The following ZNF594 variants were observed in gnomAD, a reference collection of about 807,000 sequenced individuals.
The protein encoded by ZNF594 is zinc finger protein HZF18.
For synonymous variants in ZNF594, 336 were observed against 309.4 expected (o/e 1.09, Z -0.90); for missense variants, 1,037 against 964.6 (o/e 1.08, Z -0.99).
intron 1 of ZNF594, among the ~76,000 whole-genome samples, chr17:5,189,308 T>C (rs1598138406): frequency 6.7e-6 from 1 of 148,808 alleles, no homozygotes; most frequent in Non-Finnish European, 1.5e-5. Flanking sequence ...AGTGCAGTGG[T>C]GTAATCATGG....
At position 5,179,739 on chromosome 17, in the gene ZNF594, A is replaced by T. The variant is rs921416801; in HGVS notation, c.*2094T>A. 6.6e-6 allele frequency: 1 copy of T among 152,270 alleles called. No individual in the cohort carries two copies. Among genetic ancestry groups the T allele is most frequent in the African/African-American group, 2.4e-5 (1 of 41,568 alleles). The allele number at this position is 152,270 out of a possible 1,614,324, so 9.4% of individuals were successfully genotyped here. On this transcript the variant is annotated 3_prime_UTR_variant, in exon 2 of 2. Coordinates refer to ENST00000575779, the MANE Select transcript of ZNF594 (RefSeq NM_032530.2). ...AGACGATATGTTTGCCCACAAAAGG[A>T]ATAAAAAGACTAATGAAAATGGTAA...
Position 5,183,741 on chromosome 17 carries a change from TATA to T in ZNF594, c.513_515del (p.Ile172del), listed in dbSNP as rs3867177. The T allele has an allele frequency of 0.012, 19,712 of 1,613,156 alleles. 1,954 individuals carry two copies. The African/African-American group carries it at 0.22, about 18-fold the overall frequency. ...TCTTTCCTGTATGAATTCTCTGATG[TATA>T]ATAAGATTTGAACTTTGATTAGAGT... On this transcript the variant is annotated inframe_deletion, in exon 2 of 2. Transcript: ENST00000575779.
chr17:5,190,968 G>T (rs148007641), intron 1 of ZNF594, among the ~76,000 whole-genome samples: 95 of 152,246 alleles, frequency 6.2e-4, no homozygotes, highest in African/African-American at 2.2e-3. Flanking sequence ...CGTGCAATTG[G>T]AACTGTTTAT....
Position 5,182,832 on chromosome 17 carries a change from A to C in ZNF594, c.1425T>G (p.Leu475=). The change falls in exon 2 of 2, where the codon CTT becomes CTG. Residue 475 remains leucine (L), a synonymous_variant. Transcript: ENST00000575779. ...CAGTATGGATTTTCTGGTGTGTAACAAGGTGTGACCTCTGGCTAAAGGCTT... is the reference window on the plus strand; with the variant it reads ...CAGTATGGATTTTCTGGTGTGTAACCAGGTGTGACCTCTGGCTAAAGGCTT... ...CGKAFSQRSH[L]VTHQKIHTGE... is the part of the protein sequence containing the mutation. The C allele has an allele frequency of 6.2e-7, 1 of 1,614,056 alleles. No homozygotes were observed. The highest frequency in any genetic ancestry group is 8.5e-7 in the Non-Finnish European group (1 of 1,180,012).
chr17:5,185,730 A>G (rs2074382019), intron 1 of ZNF594, among the ~76,000 whole-genome samples: 1 of 152,216 alleles, frequency 6.6e-6, no homozygotes, highest in African/African-American at 2.4e-5. Context: ...TAATGGGGGT[A>G]CAGGTATTGC....
rs1359871337 is a variant in ZNF594, at chr17:5,179,736, A to C, written c.*2097T>G. ...CATAGACGATATGTTTGCCCACAAA[A>C]GGAATAAAAAGACTAATGAAAATGG... On this transcript the variant is annotated 3_prime_UTR_variant, in exon 2 of 2. Transcript: ENST00000575779. 6.6e-6 allele frequency: 1 copy of C among 152,140 alleles called. No individual in the cohort carries two copies. The highest frequency in any genetic ancestry group is 2.4e-5 in the African/African-American group (1 of 41,446). 9.4% of individuals were successfully genotyped at this position (152,140 alleles called of 1,614,324 possible).
rs377683876 is a variant in ZNF594, at chr17:5,182,442, G to T, written c.1815C>A (p.Phe605Leu). 3.1e-6 allele frequency: 5 copies of T among 1,611,940 alleles called. No homozygotes were observed. Among genetic ancestry groups the T allele is most frequent in the South Asian group, 1.1e-5 (1 of 91,032 alleles). The change falls in exon 2 of 2, where the codon TTC becomes TTA. Residue 605 changes from phenylalanine to leucine, a missense_variant. Coordinates refer to ENST00000575779, the MANE Select transcript of ZNF594 (RefSeq NM_032530.2). ...GTCTCAGAAGGTCTGAGCTCTGATT[G>T]AAAGTTTTCCCACATTCTTTGCATT... ...PYECKECGKTFNQSSDLLRHH... is the reference protein window; with the variant it reads ...PYECKECGKTLNQSSDLLRHH...
rs765134325 is a variant in ZNF594, at chr17:5,183,665, G to A, written c.592C>T (p.Leu198=). ...CTGTGAATTTGCTTATGTCTCACCA[G>A]ATTGGAGCTCTGATTGAAGTCTTTT... ...CGKDFNQSSN[L]VRHKQIHSGG... The change falls in exon 2 of 2, where the codon CTG becomes TTG. Residue 198 remains leucine, a synonymous_variant. Transcript: ENST00000575779. The A allele has an allele frequency of 1.9e-6, 3 of 1,614,218 alleles. No individual in the cohort carries two copies. The highest frequency in any genetic ancestry group is 2.5e-6 in the Non-Finnish European group (3 of 1,180,040).
chr17:5,186,775 A>G (rs1348306057), intron 1 of ZNF594, among the ~76,000 whole-genome samples: 1 of 152,224 alleles, frequency 6.6e-6, no homozygotes, highest in East Asian at 1.9e-4. Context: ...TCAAGTTCAA[A>G]GTTCCACAAA....
Position 5,184,196 on chromosome 17 carries a change from A to C in ZNF594, c.61T>G (p.Ser21Ala). 1 of 1,614,120 alleles carries C rather than the reference A, an allele frequency of 6.2e-7. No homozygotes were observed. ...SEEKKSARAA[S>A]EKLQRQITQE... ...GTGATTTGTCTTTGGAGTTTTTCGG[A>C]TGCAGCCCTTGCTGACTTCTTTTCT... The change falls in exon 2 of 2, where the codon TCC (serine) becomes GCC (alanine). Residue 21 changes from serine (S) to alanine (A), a missense_variant. Coordinates refer to ENST00000575779, the MANE Select transcript of ZNF594 (RefSeq NM_032530.2).
intron 1 of ZNF594, among the ~76,000 whole-genome samples, chr17:5,184,571 G>A (rs145827441): frequency 6.6e-6 from 1 of 152,204 alleles, no homozygotes; most frequent in African/African-American, 2.4e-5. Context: ...TCCACAGGAA[G>A]TGGCCTGTTG....
rs780739123 is a variant in ZNF594 at position 5,181,111 on chromosome 17, T to C, written c.*722A>G. ...CTTTGATGACTGACAAGGTGTGAGT[T>C]CTGACTGAAGGCCTTCCAACATTCA... On this transcript the variant is annotated 3_prime_UTR_variant, in exon 2 of 2. Transcript: ENST00000575779. The C allele has an allele frequency of 1.1e-5, 17 of 1,539,136 alleles. No homozygotes were observed. The highest frequency in any genetic ancestry group is 1.3e-5 in the Non-Finnish European group (15 of 1,117,572).
intron 1 of ZNF594, among the ~76,000 whole-genome samples, chr17:5,190,661 C>T (rs938566971): frequency 1.3e-5 from 2 of 152,070 alleles, no homozygotes; most frequent in East Asian, 3.9e-4. Context: ...GGTGGCAATC[C>T]GGGAAGGCTT....
chr17:5,178,275 CAAA>C (rs1347224787), downstream of ZNF594, among the ~76,000 whole-genome samples: 1 of 151,652 alleles, frequency 6.6e-6, no homozygotes, highest in Non-Finnish European at 1.5e-5. Flanking sequence ...GGTTAACATC[CAAA>C]AATAGTTCAC....
At position 5,180,181 on chromosome 17, in the gene ZNF594, C is replaced by G; in HGVS notation, c.*1652G>C. 6.6e-6 allele frequency: 1 copy of G among 151,968 alleles called. No individual in the cohort carries two copies. The highest frequency in any genetic ancestry group is 1.9e-4 in the East Asian group (1 of 5,162). 9.4% of individuals were successfully genotyped at this position (151,968 alleles called of 1,614,324 possible). ...GTTCAAGTGATTCTCCTGCCCTAGC[C>G]TCGCAAGTACCTGGGACTACAGGCG... is the stretch of plus-strand genomic sequence containing the variant. On this transcript the variant is annotated 3_prime_UTR_variant, in exon 2 of 2. Coordinates refer to ENST00000575779, the MANE Select transcript of ZNF594 (RefSeq NM_032530.2).
At position 5,183,288 on chromosome 17, in the gene ZNF594, ATAGG is replaced by A. The variant is rs1255273077; in HGVS notation, c.965_968del (p.Pro322LeufsTer74). Reference sequence around the variant, plus strand: ...AGGTCTTCCCACATCTGTGACATTCATAGGGTTTCTCTCCACTGTGGAGTCTCTG... The same window carrying A: ...AGGTCTTCCCACATCTGTGACATTCAGTTTCTCTCCACTGTGGAGTCTCTG... On this transcript the variant is annotated frameshift_variant, in exon 2 of 2. Coordinates refer to ENST00000575779, the MANE Select transcript of ZNF594 (RefSeq NM_032530.2). LOFTEE classifies it low-confidence loss of function (END_TRUNC). 6.2e-7 allele frequency: 1 copy of A among 1,614,048 alleles called. No homozygotes were observed. The highest frequency in any genetic ancestry group is 1.3e-5 in the African/African-American group (1 of 74,932).
Position 5,182,589 on chromosome 17 carries a change from C to T in ZNF594, c.1668G>A (p.Arg556=), listed in dbSNP as rs116584790. ...EKTFSQDEEL[R]GEQKIHQEAK... is the part of the protein sequence containing the mutation. The stretch of plus-strand genomic sequence containing the variant: ...CTTCCTGGTGAATTTTCTGCTCTCC[C>T]CTAAGCTCCTCATCCTGGCTGAAGG... The change falls in exon 2 of 2, where the codon AGG becomes AGA. Residue 556 remains arginine (R), a synonymous_variant. Transcript: ENST00000575779. 3.1e-4 allele frequency: 505 copies of T among 1,613,358 alleles called. 3 individuals are homozygous for T. In the African/African-American group the frequency reaches 6.4e-3, roughly 20 times the overall value.
At position 5,183,820 on chromosome 17, in the gene ZNF594, T is replaced by G. The variant is rs2074367525; in HGVS notation, c.437A>C (p.Gln146Pro). The change falls in exon 2 of 2, where the codon CAG (glutamine) becomes CCG (proline). Residue 146 changes from glutamine to proline, a missense_variant. Transcript: ENST00000575779. ...TGGCTTATTTCCTGTATGAATTCTC[T>G]GATGTATGATCAGGTTTGAACTCCT... ...FNRSSNLIIHQRIHTGNKPYV... is the reference protein window; with the variant it reads ...FNRSSNLIIHPRIHTGNKPYV... The G allele has an allele frequency of 6.2e-7, 1 of 1,614,188 alleles. No homozygotes were observed. The highest frequency in any genetic ancestry group is 2.2e-5 in the East Asian group (1 of 44,880).
chr17:5,183,439 CCA>C lies in ZNF594; in HGVS notation c.816_817del (p.Cys272TrpfsTer26), dbSNP rs773671296. ...GTGTGAACTTTGACTGAACATCTGT[CCA>C]CAGTCATAACATTCATAGGGTTTCT... On this transcript the variant is annotated frameshift_variant, in exon 2 of 2. Coordinates refer to ENST00000575779, the MANE Select transcript of ZNF594 (RefSeq NM_032530.2). LOFTEE classifies it low-confidence loss of function (END_TRUNC). 3 of 1,613,778 alleles carry C rather than the reference CCA, an allele frequency of 1.9e-6. No individual in the cohort carries two copies. The highest frequency in any genetic ancestry group is 2.7e-5 in the African/African-American group (2 of 74,916).
Sources: allele counts gnomAD v4.1 joint callset (sites outside exome capture counted in the v4.1 genomes callset), GRCh38; gene constraint gnomAD v4.1.1; transcripts MANE v1.5; gene names NCBI Gene and HGNC (gene_info 2026-07-23, HGNC 2026-07-21).